Variants in DUSP10 observed in about 807,000 individuals in gnomAD.
DUSP10 encodes dual specificity phosphatase 10, also known as dual specificity protein phosphatase 10.
Under a neutral mutation model 30.8 loss-of-function variants are expected in DUSP10, and 14 were observed. The observed-to-expected ratio is 0.46, with a 90% CI of 0.30 to 0.71. The LOEUF is 0.71. Ranked by LOEUF, DUSP10 falls within the 30% of genes least tolerant of loss-of-function variation. The pLI is 0.08. For missense variants in DUSP10, 550 were observed against 619.4 expected (o/e 0.89, Z 1.19); for synonymous variants, 254 against 250.4 (o/e 1.01, Z -0.14).
intron 2 of DUSP10, among the ~76,000 whole-genome samples, chr1:221,727,954 G>T (rs926024778): frequency 6.6e-6 from 1 of 152,162 alleles, no homozygotes; most frequent in East Asian, 1.9e-4. Flanking sequence ...ATTAAAAGAT[G>T]GGGCCTTTAA....
At position 221,739,671 on chromosome 1, in the gene DUSP10, A is replaced by C. The variant is rs1488027200; in HGVS notation, c.74T>G (p.Leu25Arg). Residue 25 changes from leucine to arginine, a missense_variant, in exon 2 of 4, where the codon CTT (leucine) becomes CGT (arginine). Coordinates refer to ENST00000366899, the MANE Select transcript of DUSP10 (RefSeq NM_007207.6). ...GCCAAGGTAACTAGAGTCTAAACAA[A>C]GGTTGAGATCCTGAGGTCGGACGGG... Reference protein sequence around the residue: ...SRPVRPQDLNLCLDSSYLGSA... With the variant: ...SRPVRPQDLNRCLDSSYLGSA... The C allele has an allele frequency of 6.2e-7, 1 of 1,614,062 alleles. No individual in the cohort carries two copies. The highest frequency in any genetic ancestry group is 1.3e-5 in the African/African-American group (1 of 74,934).
chr1:221,710,098 A>C (rs1214181081), intron 2 of DUSP10, among the ~76,000 whole-genome samples: 1 of 152,194 alleles, frequency 6.6e-6, no homozygotes, highest in Admixed American at 6.5e-5. Context: ...TGGATGTAAT[A>C]TCATCTACCC....
chr1:221,726,568 A>G (rs2102640969), intron 2 of DUSP10, among the ~76,000 whole-genome samples: 1 of 152,300 alleles, frequency 6.6e-6, no homozygotes, highest in African/African-American at 2.4e-5. Context: ...CGGGATTAGT[A>G]ATATTATGTT....
At chr1:221,735,141 T>A (rs1012056229) in intron 2 of DUSP10, among the ~76,000 whole-genome samples, 1 of 152,232 alleles carries the variant, frequency 6.6e-6, no homozygotes, top group Non-Finnish European at 1.5e-5. Context: ...CCATGGATCA[T>A]CCTTTTAAAC....
At chr1:221,730,983 AT>A (rs1661573621) in intron 2 of DUSP10, among the ~76,000 whole-genome samples, 1 of 152,146 alleles carries the variant, frequency 6.6e-6, no homozygotes, top group African/African-American at 2.4e-5. Context: ...GATTACATCA[AT>A]TTTAATATAA....
intron 2 of DUSP10, among the ~76,000 whole-genome samples, chr1:221,734,970 A>G (rs1256546408): frequency 1.3e-5 from 2 of 150,410 alleles, no homozygotes; most frequent in Non-Finnish European, 3.0e-5. Flanking sequence ...CTGATTTCTG[A>G]GCCTAGCCAT....
At chr1:221,725,880 G>C (rs951752900) in intron 2 of DUSP10, among the ~76,000 whole-genome samples, 3 of 152,190 alleles carry the variant, frequency 2.0e-5, no homozygotes, top group African/African-American at 7.2e-5. Context: ...AAAACTGGGA[G>C]TGACTCATAT....
chr1:221,722,095 A>G (rs1285479248), intron 2 of DUSP10, among the ~76,000 whole-genome samples: 5 of 152,254 alleles, frequency 3.3e-5, no homozygotes. Flanking sequence ...ACCTTTGGGC[A>G]AGTTACTTGA....
intron 2 of DUSP10, chr1:221,711,684 T>A (rs1660941422): frequency 6.6e-6 from 1 of 152,264 alleles, no homozygotes; most frequent in South Asian, 2.1e-4. Context: ...TCAGTTTACA[T>A]ATCTGTGACT....
At position 221,702,390 on chromosome 1, in the gene DUSP10, A is replaced by T; in HGVS notation, c.*22T>A. 1.2e-6 allele frequency: 2 copies of T among 1,610,838 alleles called. No individual in the cohort carries two copies. The highest frequency in any genetic ancestry group is 2.2e-5 in the South Asian group (2 of 90,982). On this transcript the variant is annotated 3_prime_UTR_variant, in exon 4 of 4. Transcript: ENST00000366899. This position sits in a 1 kb window ranked among gnomAD's most constrained non-coding sequence, Gnocchi z 4.5. ...CATTGTCTCCTAATGGAGAGCAGCA[A>T]TCCTTTCCATCCAGACCATTGTCAC...
intron 2 of DUSP10, chr1:221,737,250 C>G (rs1019260724): frequency 1.9e-5 from 19 of 985,232 alleles, no homozygotes; most frequent in Non-Finnish European, 2.2e-5. Context: ...AAAAGACTTG[C>G]TTTTTATCAT....
chr1:221,741,512 A>G (rs1293231026), intron 1 of DUSP10, among the ~76,000 whole-genome samples: 1 of 152,124 alleles, frequency 6.6e-6, no homozygotes, highest in African/African-American at 2.4e-5. Flanking sequence ...CTGGCCCAGA[A>G]AATCTCCCAG....
rs557305532 is a variant in DUSP10 at position 221,719,602 on chromosome 1, G to A, written c.812-13136C>T. On this transcript the variant is annotated intron_variant, in intron 2 of 3. Coordinates refer to ENST00000366899, the MANE Select transcript of DUSP10 (RefSeq NM_007207.6). ...TTACATATTGTCAACATGGACTTGA[G>A]GCTAAGTGAAGGACCAGCCAAGTAA... 3.9e-5 allele frequency among the ~76,000 whole-genome samples: 6 copies of A among 152,322 alleles called. No individual in the cohort carries two copies. The South Asian group carries it at 1.0e-3, about 26-fold the overall frequency.
intron 2 of DUSP10, among the ~76,000 whole-genome samples, chr1:221,711,084 T>C (rs550827813): frequency 1.2e-3 from 184 of 152,316 alleles, no homozygotes; most frequent in African/African-American, 4.2e-3. Context: ...TATGTGGAAA[T>C]ACTGCCTGCC....
At chr1:221,712,697 T>C (rs1303495276) in intron 2 of DUSP10, among the ~76,000 whole-genome samples, 6 of 146,570 alleles carry the variant, frequency 4.1e-5, no homozygotes, top group African/African-American at 1.5e-4. Flanking sequence ...GGGTTTTTCC[T>C]GTGTGAAGGA....
At chr1:221,732,927 T>C (rs1337265209) in intron 2 of DUSP10, among the ~76,000 whole-genome samples, 3 of 152,244 alleles carry the variant, frequency 2.0e-5, no homozygotes, top group Admixed American at 2.0e-4. Flanking sequence ...AGTTCCTTGC[T>C]CTTCTCAAAG....
At chr1:221,735,082 T>C (rs2102651540) in intron 2 of DUSP10, among the ~76,000 whole-genome samples, 1 of 152,302 alleles carries the variant, frequency 6.6e-6, no homozygotes, top group Non-Finnish European at 1.5e-5. Flanking sequence ...TAAGGAGTGA[T>C]GAAGTTTTAT....
chr1:221,705,116 T>G (rs1166022909), intron 3 of DUSP10, among the ~76,000 whole-genome samples: 1 of 151,792 alleles, frequency 6.6e-6, no homozygotes, highest in African/African-American at 2.4e-5. Context: ...TGAGTGTTTT[T>G]TTTTTTTTTT....
chr1:221,709,106 C>T (rs1440647027), intron 2 of DUSP10, among the ~76,000 whole-genome samples: 1 of 152,046 alleles, frequency 6.6e-6, no homozygotes, highest in Non-Finnish European at 1.5e-5. Context: ...TTCTCAATGA[C>T]ATCAGCTGGA....
Sources: allele counts gnomAD v4.1 joint callset (sites outside exome capture counted in the v4.1 genomes callset), GRCh38; gene constraint gnomAD v4.1.1; non-coding constraint Gnocchi (gnomAD v3.1); transcripts MANE v1.5; gene names NCBI Gene and HGNC (gene_info 2026-07-23, HGNC 2026-07-21).